The following RAB27B variants were observed in gnomAD, a reference collection of about 807,000 sequenced individuals.
The protein encoded by RAB27B is RAB27B, member RAS oncogene family.
In RAB27B, 15 loss-of-function variants were observed where a neutral mutation model predicts 24.6. The ratio of observed to expected loss-of-function variants is 0.61; its 90% CI spans 0.41 to 0.94. The LOEUF (loss-of-function observed/expected upper bound fraction) is 0.94. RAB27B is among the 40% of genes least tolerant of loss of function. The pLI is 0.00. For missense variants in RAB27B, 261 were observed against 266.8 expected (o/e 0.98, Z 0.15); for synonymous variants, 105 against 92.5 (o/e 1.14, Z -0.78).
chr18:54,733,664 A>C, intron 2 of RAB27B, among the ~76,000 whole-genome samples: 1 of 50,272 alleles, frequency 2.0e-5, no homozygotes. Flanking sequence ...CCCCCCCCCA[A>C]ATTTGCTAAG....
intron 2 of RAB27B, among the ~76,000 whole-genome samples, chr18:54,820,905 T>G (rs1910289228): frequency 6.6e-6 from 1 of 152,132 alleles, no homozygotes; most frequent in South Asian, 2.1e-4. Flanking sequence ...TTTGTCAGGT[T>G]TGTCAAAGAT....
chr18:54,878,521 A>G (rs543348716), intron 2 of RAB27B, among the ~76,000 whole-genome samples: 2 of 152,140 alleles, frequency 1.3e-5, no homozygotes, highest in Non-Finnish European at 2.9e-5. Flanking sequence ...AAGTTGAATC[A>G]CGGTTTTTTT....
At position 54,870,544 on chromosome 18, in the gene RAB27B, A is replaced by T. The variant is rs144508332; in HGVS notation, c.-19-7023A>T. Among the ~76,000 whole-genome samples, 314 of 152,296 alleles carry T rather than the reference A, an allele frequency of 2.1e-3. 1 individual carries two copies. The highest frequency in any genetic ancestry group is 7.2e-3 in the African/African-American group (299 of 41,584). On this transcript the variant is annotated intron_variant, in intron 1 of 5. Transcript: ENST00000262094. ...ATAAGAAAACACAAATAGAAGCATA[A>T]GAATTTGAGAGGAAGACCTAAAGCT...
At chr18:54,737,563 T>C (rs970201854) in intron 2 of RAB27B, among the ~76,000 whole-genome samples, 1 of 152,190 alleles carries the variant, frequency 6.6e-6, no homozygotes, top group Non-Finnish European at 1.5e-5. Flanking sequence ...GAAATACGTG[T>C]TGCTGGGTTT....
At chr18:54,723,285 C>T (rs374008247) in intron 2 of RAB27B, among the ~76,000 whole-genome samples, 3 of 152,122 alleles carry the variant, frequency 2.0e-5, no homozygotes, top group South Asian at 2.1e-4. Context: ...GGTGCCCCAC[C>T]GGCGTGTTAT....
At chr18:54,744,465 T>A (rs1245978849) in intron 2 of RAB27B, among the ~76,000 whole-genome samples, 1 of 152,158 alleles carries the variant, frequency 6.6e-6, no homozygotes, top group Non-Finnish European at 1.5e-5. Flanking sequence ...ATAGAGAGGG[T>A]CAGGCCCAAG....
chr18:54,867,821 G>A (rs1912300773), intron 1 of RAB27B, among the ~76,000 whole-genome samples: 1 of 152,140 alleles, frequency 6.6e-6, no homozygotes, highest in South Asian at 2.1e-4. Context: ...ATGAAGTGGG[G>A]GAAGCAAGAT....
At chr18:54,870,037 T>G (rs1912400883) in intron 1 of RAB27B, among the ~76,000 whole-genome samples, 1 of 152,092 alleles carries the variant, frequency 6.6e-6, no homozygotes, top group Non-Finnish European at 1.5e-5. Context: ...TTTCTAACAT[T>G]TAAAAATCAG....
intron 1 of RAB27B, among the ~76,000 whole-genome samples, chr18:54,864,945 A>G (rs1346397052): frequency 6.6e-6 from 1 of 152,136 alleles, no homozygotes; most frequent in East Asian, 1.9e-4. Context: ...AAAGGCAAGT[A>G]GATTTTGAGA....
intron 2 of RAB27B, among the ~76,000 whole-genome samples, chr18:54,719,368 A>G (rs1909289127): frequency 6.6e-6 from 1 of 152,010 alleles, no homozygotes; most frequent in Non-Finnish European, 1.5e-5. Context: ...GGAGAAAGAG[A>G]CTAAGTTTTA....
At chr18:54,763,346 C>T (rs1908254087) in intron 2 of RAB27B, among the ~76,000 whole-genome samples, 1 of 151,956 alleles carries the variant, frequency 6.6e-6, no homozygotes, top group African/African-American at 2.4e-5. Flanking sequence ...TGAGAAGTCA[C>T]AATACAGACC....
rs1913343240 is a variant in RAB27B at position 54,890,986 on chromosome 18, C to CA, written c.*1573_*1574insA. 15 of 11,986 alleles carry CA rather than the reference C, an allele frequency of 1.3e-3. No homozygotes were observed. In the Admixed American group the frequency reaches 0.016, roughly 12 times the overall value. 0.7% of individuals were successfully genotyped at this position (11,986 alleles called of 1,614,324 possible). A position where few individuals can be genotyped will look rare whatever the true frequency, so the allele number is the denominator to read the frequency against. ...CCAAATAACAAAGACAATATATTTTCGTTTTTTTTTATTATGAGCATATGA... is the reference window on the plus strand; with the variant it reads ...CCAAATAACAAAGACAATATATTTTCAGTTTTTTTTTATTATGAGCATATGA... On this transcript the variant is annotated 3_prime_UTR_variant, in exon 6 of 6. Coordinates refer to ENST00000262094, the MANE Select transcript of RAB27B (RefSeq NM_004163.4).
intron 2 of RAB27B, among the ~76,000 whole-genome samples, chr18:54,805,260 A>G (rs1053074115): frequency 5.3e-5 from 8 of 151,970 alleles, no homozygotes; most frequent in Non-Finnish European, 1.0e-4. Flanking sequence ...CTGGAAGACA[A>G]CTCTCGTAGA....
At chr18:54,787,533 A>T (rs1909125915) in intron 2 of RAB27B, among the ~76,000 whole-genome samples, 1 of 152,194 alleles carries the variant, frequency 6.6e-6, no homozygotes, top group Non-Finnish European at 1.5e-5. Context: ...AAGGCCTTAT[A>T]TCTTGCTTAG....
intron 1 of RAB27B, among the ~76,000 whole-genome samples, chr18:54,857,051 G>C (rs903418626): frequency 6.6e-6 from 1 of 152,060 alleles, no homozygotes; most frequent in Non-Finnish European, 1.5e-5. Context: ...ACATGCAAAG[G>C]TTTCATAAAT....
Position 54,750,862 on chromosome 18 carries a change from G to A in RAB27B, c.-20+32721G>A, listed in dbSNP as rs568917940. Among the ~76,000 whole-genome samples, 17 of 152,308 alleles carry A rather than the reference G, an allele frequency of 1.1e-4. No individual in the cohort carries two copies. In the East Asian group the frequency reaches 3.1e-3, roughly 28 times the overall value. On this transcript the variant is annotated intron_variant, in intron 2 of 4. Transcript: ENST00000586570. The stretch of plus-strand genomic sequence containing the variant: ...GAGAATGTAACAGAAATGAGTCTTA[G>A]GTGATGGGCAGGAGTTAGTCAAGCA...
At chr18:54,743,653 A>T (rs1438090140) in intron 2 of RAB27B, among the ~76,000 whole-genome samples, 1 of 152,180 alleles carries the variant, frequency 6.6e-6, no homozygotes, top group Non-Finnish European at 1.5e-5. Flanking sequence ...ACATTCCAGG[A>T]AGAGCAAGAA....
At chr18:54,841,178 A>T (rs925735322) in intron 1 of RAB27B, among the ~76,000 whole-genome samples, 1 of 12,056 alleles carries the variant, frequency 8.3e-5, no homozygotes, top group Non-Finnish European at 3.1e-4. Context: ...GTTTGGTGAG[A>T]GGGGCGGGAA....
At chr18:54,787,656 T>C (rs2018147) in intron 2 of RAB27B, among the ~76,000 whole-genome samples, 146,541 of 152,054 alleles carry the variant, frequency 0.96, 70,842 homozygotes, top group East Asian at 1. Flanking sequence ...CATCAAACTT[T>C]AAAAATATAA....
Sources: gnomAD v4.1 joint callset for allele counts (sites outside exome capture counted in the v4.1 genomes callset) on GRCh38, gnomAD v4.1.1 for gene constraint, MANE v1.5 for transcripts, NCBI Gene and HGNC (gene_info 2026-07-23, HGNC 2026-07-21) for gene names.